The following ZNF469 variants were observed in gnomAD, a reference collection of about 807,000 sequenced individuals.
ZNF469 encodes zinc finger protein 469.
ZNF469 carries 1 observed loss-of-function variant against 1.0 expected under a neutral mutation model. The ratio of observed to expected loss-of-function variants is 1.00; its 90% confidence interval spans 0.35 to 4.73. The LOEUF is 4.73. Ranked by LOEUF, ZNF469 falls within the 30% of genes most tolerant of loss-of-function variation. The probability of loss-of-function intolerance (pLI) is 0.16; values close to 1 mark genes in which losing one functional copy is unlikely to be tolerated. For synonymous variants in ZNF469, 2,703 were observed against 2,363.4 expected, an observed-to-expected ratio of 1.14 and a Z score of -4.17; for missense variants, 6,100 against 5,356.3, an observed-to-expected ratio of 1.14 and a Z score of -4.33.
chr16:88,285,920 A>G, the ZNF469 span, among the ~76,000 whole-genome samples: 10 of 152,240 alleles, frequency 6.6e-5, no homozygotes, highest in African/African-American at 1.4e-4. Flanking sequence ...TCATCCCTCC[A>G]TGAGACTCCT....
chr16:88,255,809 A>G, the ZNF469 span, among the ~76,000 whole-genome samples: 1 of 152,084 alleles, frequency 6.6e-6, no homozygotes, highest in African/African-American at 2.4e-5. Flanking sequence ...CAGCCTTAGG[A>G]TGTTTCTGTG....
the ZNF469 span, among the ~76,000 whole-genome samples, chr16:88,195,696 A>G: frequency 1.3e-5 from 2 of 152,176 alleles, no homozygotes; most frequent in Non-Finnish European, 2.9e-5. Flanking sequence ...AAGGGGGAAG[A>G]GGGCTCTTGC....
At chr16:88,144,916 C>T in the ZNF469 span, among the ~76,000 whole-genome samples, 1 of 150,328 alleles carries the variant, frequency 6.7e-6, no homozygotes, top group Non-Finnish European at 1.5e-5. Context: ...ATGGTGTGAT[C>T]TCGGCTCACT....
chr16:88,122,178 C>T, the ZNF469 span, among the ~76,000 whole-genome samples: 1 of 147,914 alleles, frequency 6.8e-6, no homozygotes, highest in South Asian at 2.2e-4. Flanking sequence ...ACGGCAACCA[C>T]TCGGATTGCA....
rs1476232391 is a variant in ZNF469 at position 88,439,158 on chromosome 16, C to G, written c.11688C>G (p.Pro3896=). 1 of 1,550,482 alleles carries G rather than the reference C, an allele frequency of 6.4e-7. No homozygotes were observed. The highest frequency in any genetic ancestry group is 2.4e-5 in the East Asian group (1 of 40,938). ...AGGACAGACTGGGCAAGGCCTTCCC[C>G]CAGGGGAGACCCCTGCTCAGGCCCC... ...QRKDRLGKAF[P]QGRPLLRPPK... The change falls in exon 3 of 3, where the codon CCC becomes CCG. Residue 3896 remains proline, a synonymous_variant. Transcript: ENST00000565624.
chr16:88,129,848 G>A, the ZNF469 span, among the ~76,000 whole-genome samples: 8 of 152,224 alleles, frequency 5.3e-5, no homozygotes, highest in East Asian at 1.9e-4. Flanking sequence ...GCCACAGAGC[G>A]AGACTCTGTC....
chr16:88,276,044 G>A, the ZNF469 span, among the ~76,000 whole-genome samples: 1 of 152,162 alleles, frequency 6.6e-6, no homozygotes, highest in East Asian at 1.9e-4. Flanking sequence ...GATGCCGCCT[G>A]GCACCCTCCA....
the ZNF469 span, among the ~76,000 whole-genome samples, chr16:88,146,825 A>G: frequency 6.6e-6 from 1 of 151,844 alleles, no homozygotes; most frequent in Non-Finnish European, 1.5e-5. Flanking sequence ...GATGGAAGGG[A>G]CCCCTGGGGC....
the ZNF469 span, among the ~76,000 whole-genome samples, chr16:88,310,389 G>T: frequency 3.3e-5 from 5 of 149,766 alleles, no homozygotes; most frequent in African/African-American, 1.2e-4. Flanking sequence ...ATAAGGGTGT[G>T]CCTGGGGCTC....
chr16:88,424,221 A>G lies in ZNF469; in HGVS notation c.-191-586A>G, dbSNP rs114379746. Reference sequence around the variant, plus strand: ...CGAGGACGAGTGGACAGAGAGTGAGAAACCTCTTCACGGAATGTTGTGGGA... The same window carrying G: ...CGAGGACGAGTGGACAGAGAGTGAGGAACCTCTTCACGGAATGTTGTGGGA... On this transcript the variant is annotated intron_variant, in intron 1 of 2. Transcript: ENST00000565624. This position sits in a 1 kb window ranked among gnomAD's most constrained non-coding sequence, Gnocchi z 4.3. Among the ~76,000 whole-genome samples, 1,085 of 152,336 alleles carry G rather than the reference A, an allele frequency of 7.1e-3. 17 individuals are homozygous for G. Among genetic ancestry groups the G allele is most frequent in the African/African-American group, 0.025 (1,040 of 41,582 alleles).
At chr16:88,213,100 T>G in the ZNF469 span, among the ~76,000 whole-genome samples, 2 of 151,964 alleles carry the variant, frequency 1.3e-5, no homozygotes, top group Non-Finnish European at 2.9e-5. Flanking sequence ...GTATTCTGTT[T>G]GCTTTTTTTT....
chr16:88,249,564 G>C, the ZNF469 span, among the ~76,000 whole-genome samples: 2 of 149,296 alleles, frequency 1.3e-5, no homozygotes, highest in East Asian at 4.1e-4. Flanking sequence ...AGCCTCCAAA[G>C]TAGCTGGGAC....
chr16:88,398,331 G>A (rs970736695), intron 1 of ZNF469, among the ~76,000 whole-genome samples: 2 of 152,134 alleles, frequency 1.3e-5, no homozygotes, highest in African/African-American at 4.8e-5. Context: ...GGCCACGTGA[G>A]CCACGGGTGA....
At chr16:88,357,479 C>T in the ZNF469 span, among the ~76,000 whole-genome samples, 1 of 152,196 alleles carries the variant, frequency 6.6e-6, no homozygotes, top group Non-Finnish European at 1.5e-5. Flanking sequence ...TGGGAGGCCA[C>T]TCCCCCTCCC....
chr16:88,368,996 T>G, the ZNF469 span, among the ~76,000 whole-genome samples: 1 of 151,748 alleles, frequency 6.6e-6, no homozygotes, highest in African/African-American at 2.4e-5. Flanking sequence ...GGAAAATTGC[T>G]CGAACCCAGG....
At chr16:88,134,273 C>G in the ZNF469 span, among the ~76,000 whole-genome samples, 5 of 152,218 alleles carry the variant, frequency 3.3e-5, no homozygotes, top group Non-Finnish European at 5.9e-5. Flanking sequence ...CGTCGGGACA[C>G]ACTGCTTTGT....
In ZNF469 at chr16:88,434,956, C is replaced by T. The variant is rs749010605; in HGVS notation, c.7486C>T (p.Arg2496Trp). ...GLSRHKARKH[R>W]PHPGAPAEPS... ...GAGCCGGCACAAGGCCAGGAAGCACCGGCCACACCCGGGAGCCCCCGCGGA... is the reference window on the plus strand; with the variant it reads ...GAGCCGGCACAAGGCCAGGAAGCACTGGCCACACCCGGGAGCCCCCGCGGA... The change falls in exon 3 of 3, where the codon CGG becomes TGG. Residue 2496 changes from arginine (R) to tryptophan (W), a missense_variant. Arg to Trp is a moderately radical substitution (Grantham distance 101). Coordinates refer to ENST00000565624, the MANE Select transcript of ZNF469 (RefSeq NM_001367624.2). The T allele has an allele frequency of 9.7e-6, 15 of 1,549,732 alleles. No individual in the cohort carries two copies. The highest frequency in any genetic ancestry group is 8.3e-5 in the South Asian group (7 of 84,042).
the ZNF469 span, among the ~76,000 whole-genome samples, chr16:88,329,481 G>C: frequency 1.1e-4 from 17 of 152,328 alleles, no homozygotes; most frequent in South Asian, 3.1e-3. Context: ...CCTCCCGCTG[G>C]CCCTCTGAGG....
chr16:88,383,736 C>G (rs1420328549), intron 1 of ZNF469, among the ~76,000 whole-genome samples: 1 of 151,818 alleles, frequency 6.6e-6, no homozygotes, highest in East Asian at 1.9e-4. Context: ...GTGCTGGCCC[C>G]GCGGCGCTCC....
Sources: gnomAD v4.1 joint callset for allele counts (sites outside exome capture counted in the v4.1 genomes callset) on GRCh38, gnomAD v4.1.1 for gene constraint, Gnocchi (gnomAD v3.1) non-coding constraint, MANE v1.5 for transcripts, NCBI Gene and HGNC (gene_info 2026-07-23, HGNC 2026-07-21) for gene names.